The following DYM variants were observed in gnomAD, a reference collection of about 807,000 sequenced individuals.
DYM encodes dymeclin, also known as dyggve-Melchior-Clausen syndrome protein.
A neutral mutation model predicts 93.1 loss-of-function variants in DYM; 78 were observed. The ratio of observed to expected loss-of-function variants is 0.84; its 90% CI spans 0.70 to 1.01. The LOEUF is 1.01. Ranked by LOEUF, DYM falls within the 50% of genes least tolerant of loss-of-function variation. DYM has a pLI of 0.00. For missense variants in DYM, 789 were observed against 845.0 expected, an observed-to-expected ratio of 0.93 and a Z score of 0.82; for synonymous variants, 321 against 319.7, an observed-to-expected ratio of 1.00 and a Z score of -0.04.
chr18:49,303,321 T>C (rs954096272), intron 8 of DYM, among the ~76,000 whole-genome samples: 11 of 152,334 alleles, frequency 7.2e-5, no homozygotes, highest in African/African-American at 2.2e-4. Flanking sequence ...GAATAAATTG[T>C]TGTCACTACA....
chr18:49,242,775 C>G (rs2094053454), intron 13 of DYM, among the ~76,000 whole-genome samples: 1 of 152,206 alleles, frequency 6.6e-6, no homozygotes, highest in Non-Finnish European at 1.5e-5. Flanking sequence ...TCTTGGCTCA[C>G]TGCAAGCTCC....
chr18:49,347,041 A>G (rs1466042218), intron 6 of DYM, among the ~76,000 whole-genome samples: 3 of 152,222 alleles, frequency 2.0e-5, no homozygotes, highest in Non-Finnish European at 4.4e-5. Flanking sequence ...TATTTCATGT[A>G]ATTTATTGAA....
At chr18:49,120,393 C>G (rs548870158) in intron 15 of DYM, among the ~76,000 whole-genome samples, 1 of 152,178 alleles carries the variant, frequency 6.6e-6, no homozygotes, top group Non-Finnish European at 1.5e-5. Context: ...GATACCTACA[C>G]AAACGTAAGT....
chr18:49,140,464 TG>T (rs2144396797), intron 15 of DYM, among the ~76,000 whole-genome samples: 1 of 152,298 alleles, frequency 6.6e-6, no homozygotes, highest in South Asian at 2.1e-4. Flanking sequence ...GATGAGGCCA[TG>T]TGGAGCTTCC....
chr18:49,423,570 C>T (rs886565990), intron 2 of DYM, among the ~76,000 whole-genome samples: 1 of 152,000 alleles, frequency 6.6e-6, no homozygotes, highest in East Asian at 1.9e-4. Context: ...GAGATAGAGA[C>T]ACAAAAAACC....
At chr18:49,163,641 G>T in intron 15 of DYM, 44 bp downstream of exon 15, 2 of 1,386,606 alleles carry the variant, frequency 1.4e-6, no homozygotes, top group Non-Finnish European at 2.0e-6. Context: ...ACTGTGCCTG[G>T]CTGAAAGGAA....
intron 13 of DYM, among the ~76,000 whole-genome samples, chr18:49,227,674 A>C (rs1432690207): frequency 6.6e-6 from 1 of 152,114 alleles, no homozygotes; most frequent in Non-Finnish European, 1.5e-5. Context: ...AGTCATCAGA[A>C]ATTGAAGCTT....
chr18:49,384,322 CAAAAAAAAAAAA>C (rs398032777), intron 3 of DYM, among the ~76,000 whole-genome samples: 1 of 65,830 alleles, frequency 1.5e-5, no homozygotes, highest in Non-Finnish European at 2.7e-5. Context: ...ACCATGTCTC[CAAAAAAAAAAAA>C]AAAAAAAAAG....
chr18:49,228,553 A>G (rs1442872120), intron 13 of DYM, among the ~76,000 whole-genome samples: 1 of 152,190 alleles, frequency 6.6e-6, no homozygotes, highest in African/African-American at 2.4e-5. Context: ...ATAGAGAACT[A>G]GAATAACATG....
At chr18:49,425,656 G>A (rs1409199954) in intron 2 of DYM, among the ~76,000 whole-genome samples, 1 of 152,100 alleles carries the variant, frequency 6.6e-6, no homozygotes, top group Non-Finnish European at 1.5e-5. Flanking sequence ...CTGACAAAGG[G>A]CTAATATCCA....
intron 2 of DYM, among the ~76,000 whole-genome samples, chr18:49,395,354 G>A (rs2069921443): frequency 6.6e-6 from 1 of 152,154 alleles, no homozygotes; most frequent in Non-Finnish European, 1.5e-5. Flanking sequence ...ACAAGGCCAG[G>A]CGCAGTGGCT....
chr18:49,456,696 C>T (rs1375692432), intron 1 of DYM, among the ~76,000 whole-genome samples: 1 of 152,028 alleles, frequency 6.6e-6, no homozygotes, highest in Non-Finnish European at 1.5e-5. Context: ...TAAATAAGAC[C>T]TATATGTAAA....
intron 14 of DYM, among the ~76,000 whole-genome samples, chr18:49,197,943 ACAAAGCTGGAGG>A (rs2091630460): frequency 2.0e-5 from 3 of 152,338 alleles, no homozygotes; most frequent in Admixed American, 2.0e-4. Flanking sequence ...AGCCAAGAGA[ACAAAGCTGGAGG>A]CATCACGCTA....
At chr18:49,192,095 A>ATTTTTT (rs55967928) in intron 14 of DYM, among the ~76,000 whole-genome samples, 3 of 68,290 alleles carry the variant, frequency 4.4e-5, no homozygotes, top group Admixed American at 1.9e-4. Flanking sequence ...TGCCTGGCTA[A>ATTTTTT]TTTTTTTTTT....
chr18:49,430,051 C>G (rs2074661626), intron 2 of DYM, among the ~76,000 whole-genome samples: 1 of 152,178 alleles, frequency 6.6e-6, no homozygotes, highest in African/African-American at 2.4e-5. Context: ...GTGATAACCT[C>G]TAGAGAAGGG....
chr18:49,167,803 A>G (rs985182674), intron 14 of DYM, among the ~76,000 whole-genome samples: 6 of 152,352 alleles, frequency 3.9e-5, no homozygotes, highest in African/African-American at 1.4e-4. Context: ...TTGCTAGAAT[A>G]CTTTTTTAAA....
intron 6 of DYM, among the ~76,000 whole-genome samples, chr18:49,341,791 CCA>C (rs2064176551): frequency 6.6e-6 from 1 of 152,104 alleles, no homozygotes; most frequent in Non-Finnish European, 1.5e-5. Flanking sequence ...CTAGCTCCTC[CCA>C]CAGTTCCCAG....
chr18:49,210,609 C>A (rs12968991), intron 13 of DYM, among the ~76,000 whole-genome samples: 103,734 of 152,094 alleles, frequency 0.68, 37,690 homozygotes, highest in Non-Finnish European at 0.81. Flanking sequence ...TACTGTATTA[C>A]TACTATAATG....
intron 2 of DYM, among the ~76,000 whole-genome samples, chr18:49,404,097 T>C (rs1483939080): frequency 6.6e-6 from 1 of 152,026 alleles, no homozygotes; most frequent in Non-Finnish European, 1.5e-5. Flanking sequence ...AACCTCCGCC[T>C]CCCGGATTCA....
Sources: allele counts gnomAD v4.1 joint callset (sites outside exome capture counted in the v4.1 genomes callset), GRCh38; gene constraint gnomAD v4.1.1; transcripts MANE v1.5; gene names NCBI Gene and HGNC (gene_info 2026-07-23, HGNC 2026-07-21).